The following MDGA2 variants were observed in gnomAD, a reference collection of about 807,000 sequenced individuals.
MDGA2 encodes MAM domain-containing glycosylphosphatidylinositol anchor protein 2.
A neutral mutation model predicts 117.8 loss-of-function variants in MDGA2; 40 were observed. The observed-to-expected ratio is 0.34, with a 90% CI of 0.26 to 0.44. MDGA2 has a LOEUF of 0.44. MDGA2 is among the 20% of genes least tolerant of loss of function. The probability of loss-of-function intolerance (pLI) is 1.00; values close to 1 mark genes in which losing one functional copy is unlikely to be tolerated. For synonymous variants in MDGA2, 452 were observed against 439.0 expected (o/e 1.03, Z -0.37); for missense variants, 1,123 against 1,250.6 (o/e 0.90, Z 1.54).
intron 1 of MDGA2, among the ~76,000 whole-genome samples, chr14:47,388,480 T>G (rs2416061): frequency 0.29 from 44,093 of 152,010 alleles, 6,736 homozygotes; most frequent in Middle Eastern, 0.41. Flanking sequence ...TCCACCTGAA[T>G]GCTGTGTCTT....
At chr14:47,521,943 AT>A (rs1295245347) in intron 1 of MDGA2, among the ~76,000 whole-genome samples, 2 of 152,160 alleles carry the variant, frequency 1.3e-5, no homozygotes, top group African/African-American at 4.8e-5. Flanking sequence ...AAGTGCTGGG[AT>A]TACAAACGTG....
chr14:47,106,275 C>T (rs1451401460), intron 5 of MDGA2, among the ~76,000 whole-genome samples: 1 of 152,090 alleles, frequency 6.6e-6, no homozygotes, highest in Non-Finnish European at 1.5e-5. Flanking sequence ...GCCCTCAAAC[C>T]CCACAACAGG....
chr14:47,489,725 A>C (rs1894131046), intron 1 of MDGA2, among the ~76,000 whole-genome samples: 1 of 152,086 alleles, frequency 6.6e-6, no homozygotes, highest in Admixed American at 6.6e-5. Flanking sequence ...AAGGCAGCAA[A>C]TGGAATGCTG....
intron 2 of MDGA2, among the ~76,000 whole-genome samples, chr14:47,235,690 C>A (rs932012596): frequency 3.9e-5 from 6 of 152,152 alleles, no homozygotes; most frequent in Admixed American, 3.3e-4. Flanking sequence ...TCGTGATATG[C>A]CTTTCTTCTG....
rs562854937 is a variant in MDGA2 at position 46,964,280 on chromosome 14, T to G, written c.1820-6637A>C. 2.0e-5 allele frequency among the ~76,000 whole-genome samples: 3 copies of G among 151,672 alleles called. No individual in the cohort carries two copies. In the South Asian group the frequency reaches 6.2e-4, roughly 31 times the overall value. On this transcript the variant is annotated intron_variant, in intron 8 of 16. Transcript: ENST00000399232. ...AGAGACCAGATCAGCTATCCACTGTTAGAATTACTATGATTAGATATAATA... is the reference window on the plus strand; with the variant it reads ...AGAGACCAGATCAGCTATCCACTGTGAGAATTACTATGATTAGATATAATA...
intron 2 of MDGA2, among the ~76,000 whole-genome samples, chr14:47,272,913 T>TA (rs1200268752): frequency 1.3e-5 from 2 of 152,240 alleles, no homozygotes; most frequent in African/African-American, 2.4e-5. Context: ...TTGGTTACTA[T>TA]AAAAAAATAC....
intron 1 of MDGA2, among the ~76,000 whole-genome samples, chr14:47,311,628 G>A (rs80259566): frequency 0.022 from 3,369 of 152,216 alleles, 92 homozygotes; most frequent in East Asian, 0.12. Context: ...AGACTCCACT[G>A]GGGCAATACC....
intron 10 of MDGA2, among the ~76,000 whole-genome samples, chr14:46,918,516 G>T (rs933727727): frequency 3.3e-5 from 5 of 152,118 alleles, no homozygotes; most frequent in African/African-American, 1.2e-4. Flanking sequence ...AAATTAGAAT[G>T]GGTAGAACGA....
intron 1 of MDGA2, among the ~76,000 whole-genome samples, chr14:47,379,436 G>A (rs1891556979): frequency 6.6e-6 from 1 of 152,182 alleles, no homozygotes; most frequent in Non-Finnish European, 1.5e-5. Context: ...ATTGGATAAA[G>A]AGTGAAGACC....
intron 3 of MDGA2, 56 bp downstream of exon 3, chr14:47,217,965 A>G: frequency 7.4e-7 from 1 of 1,359,006 alleles, no homozygotes; most frequent in South Asian, 1.7e-5. Context: ...ATAGACTTGT[A>G]AGACAAAAGA....
At chr14:47,442,345 T>C (rs1846229457) in intron 1 of MDGA2, among the ~76,000 whole-genome samples, 1 of 152,044 alleles carries the variant, frequency 6.6e-6, no homozygotes, top group South Asian at 2.1e-4. Context: ...GAGACCTACA[T>C]GAGAGAGTAA....
At chr14:47,048,028 T>G (rs1230279566) in intron 7 of MDGA2, among the ~76,000 whole-genome samples, 1 of 152,072 alleles carries the variant, frequency 6.6e-6, no homozygotes, top group Non-Finnish European at 1.5e-5. Flanking sequence ...GACATAATAA[T>G]TTGATCTATA....
intron 8 of MDGA2, among the ~76,000 whole-genome samples, chr14:47,032,183 T>A (rs888637685): frequency 1.3e-5 from 2 of 152,204 alleles, no homozygotes; most frequent in Non-Finnish European, 2.9e-5. Context: ...GGTATACATA[T>A]GTATATCCAC....
At chr14:47,063,656 TGA>T (rs1469893642) in intron 6 of MDGA2, among the ~76,000 whole-genome samples, 11 of 152,026 alleles carry the variant, frequency 7.2e-5, no homozygotes, top group Admixed American at 2.0e-4. Flanking sequence ...AACAGTTAAA[TGA>T]GAGTTTCCCT....
intron 3 of MDGA2, among the ~76,000 whole-genome samples, chr14:47,166,888 A>G (rs1350013500): frequency 6.6e-6 from 1 of 152,152 alleles, no homozygotes; most frequent in Non-Finnish European, 1.5e-5. Context: ...TAATTTTAAA[A>G]CTGATAAACA....
chr14:47,439,775 C>T (rs541494765), intron 1 of MDGA2, among the ~76,000 whole-genome samples: 7 of 150,972 alleles, frequency 4.6e-5, no homozygotes, highest in South Asian at 2.1e-4. Context: ...GTTGTATGTA[C>T]TCGAGTACCT....
At chr14:47,513,446 G>A (rs766048798) in intron 1 of MDGA2, among the ~76,000 whole-genome samples, 3 of 151,940 alleles carry the variant, frequency 2.0e-5, no homozygotes. Context: ...TCTTTCCCAC[G>A]AGTATTTTTA....
At chr14:47,592,024 A>C (rs1896450765) in intron 1 of MDGA2, among the ~76,000 whole-genome samples, 1 of 152,138 alleles carries the variant, frequency 6.6e-6, no homozygotes, top group Non-Finnish European at 1.5e-5. Flanking sequence ...TCTTAAGCTG[A>C]TAAGCAACTT....
chr14:47,650,390 A>G (rs922170680), intron 1 of MDGA2, among the ~76,000 whole-genome samples: 85 of 152,188 alleles, frequency 5.6e-4, no homozygotes, highest in African/African-American at 2.0e-3. Flanking sequence ...ATCTTTCATT[A>G]TAATTTTGAT....
Sources: allele counts gnomAD v4.1 joint callset (sites outside exome capture counted in the v4.1 genomes callset), GRCh38; gene constraint gnomAD v4.1.1; transcripts MANE v1.5; gene names NCBI Gene and HGNC (gene_info 2026-07-23, HGNC 2026-07-21).